NRXN3: variants seen among roughly 807,000 people sequenced by gnomAD.
The protein encoded by NRXN3 is neurexin 3, also known as neurexin III.
Under a neutral mutation model 137.6 loss-of-function variants are expected in NRXN3, and 32 were observed. The ratio of observed to expected loss-of-function variants is 0.23; its 90% CI spans 0.18 to 0.31. The LOEUF (loss-of-function observed/expected upper bound fraction) is 0.31. NRXN3 is among the 10% of genes least tolerant of loss of function. NRXN3 has a pLI of 1.00. For missense variants in NRXN3, 1,574 were observed against 2,062.5 expected (o/e 0.76, Z 4.59); for synonymous variants, 798 against 784.5 (o/e 1.02, Z -0.29).
intron 4 of NRXN3, among the ~76,000 whole-genome samples, chr14:78,372,986 T>C (rs1255138013): frequency 6.6e-6 from 1 of 152,162 alleles, no homozygotes; most frequent in African/African-American, 2.4e-5. Context: ...ATAATGAAGT[T>C]CTGGGTTAAA....
intron 15 of NRXN3, among the ~76,000 whole-genome samples, chr14:79,352,852 C>G (rs1320229000): frequency 6.6e-6 from 1 of 152,006 alleles, no homozygotes; most frequent in Non-Finnish European, 1.5e-5. Flanking sequence ...TTCAGAAGCT[C>G]AAAATTTGGA....
chr14:78,908,010 A>G (rs747272892), intron 10 of NRXN3, among the ~76,000 whole-genome samples: 1 of 152,094 alleles, frequency 6.6e-6, no homozygotes, highest in Non-Finnish European at 1.5e-5. Flanking sequence ...TCCATGGTGT[A>G]TATGTACCAC....
chr14:79,614,499 A>C (rs1357913413), intron 16 of NRXN3, among the ~76,000 whole-genome samples: 3 of 152,162 alleles, frequency 2.0e-5, no homozygotes, highest in Non-Finnish European at 4.4e-5. Context: ...CTTTGGAAGT[A>C]ACATTTGATC....
At chr14:78,433,552 T>C (rs2093963237) in intron 4 of NRXN3, among the ~76,000 whole-genome samples, 1 of 152,204 alleles carries the variant, frequency 6.6e-6, no homozygotes, top group South Asian at 2.1e-4. Context: ...ACGTGGGCTG[T>C]ACCCTATGAA....
intron 4 of NRXN3, among the ~76,000 whole-genome samples, chr14:78,437,824 A>G (rs993190300): frequency 2.0e-5 from 3 of 152,344 alleles, no homozygotes; most frequent in African/African-American, 7.2e-5. Context: ...GTGATTTTTC[A>G]TGAACACCTT....
chr14:78,599,554 G>C (rs2097185967), intron 4 of NRXN3, among the ~76,000 whole-genome samples: 1 of 152,044 alleles, frequency 6.6e-6, no homozygotes, highest in East Asian at 1.9e-4. Context: ...TACACTTCTT[G>C]GTCTTCCAAC....
At chr14:79,623,205 C>T (rs1329571549) in intron 16 of NRXN3, among the ~76,000 whole-genome samples, 1 of 152,180 alleles carries the variant, frequency 6.6e-6, no homozygotes, top group Non-Finnish European at 1.5e-5. Flanking sequence ...ATGCAAATGC[C>T]TTTTACAGCT....
In NRXN3 at chr14:78,967,353, G is replaced by C; in HGVS notation, c.2923G>C (p.Val975Leu). Reference sequence around the variant, plus strand: ...TCATAGCCTGAAAGTGGACACCAAAGTGGTCACTCAGGTTATCAATGGTGC... The same window carrying C: ...TCATAGCCTGAAAGTGGACACCAAACTGGTCACTCAGGTTATCAATGGTGC... ...NTHSLKVDTK[V>L]VTQVINGAKN... is the part of the protein sequence containing the mutation. Residue 975 changes from valine (V) to leucine (L), a missense_variant, in exon 13 of 21, where the codon GTG becomes CTG. By Grantham distance (32) the Val-to-Leu change is conservative. Around this residue, in one of 5 missense-constraint regions of NRXN3, gnomAD observed 718 missense variants for 887.6 expected, o/e 0.81. Coordinates refer to ENST00000335750, the MANE Select transcript of NRXN3 (RefSeq NM_001330195.2). The C allele has an allele frequency of 3.7e-6, 6 of 1,614,030 alleles. No homozygotes were observed. The highest frequency in any genetic ancestry group is 5.1e-6 in the Non-Finnish European group (6 of 1,179,994).
intron 6 of NRXN3, among the ~76,000 whole-genome samples, chr14:78,657,427 G>A (rs984533717): frequency 1.1e-4 from 16 of 152,176 alleles, no homozygotes; most frequent in African/African-American, 3.6e-4. Flanking sequence ...TTTCCCAAGT[G>A]GAGAAGCGAA....
intron 15 of NRXN3, among the ~76,000 whole-genome samples, chr14:79,379,524 C>G (rs1320000282): frequency 6.6e-6 from 1 of 152,146 alleles, no homozygotes; most frequent in Admixed American, 6.5e-5. Flanking sequence ...TGCAAGTGGA[C>G]ACTCTCGCTT....
At chr14:79,483,621 C>T (rs1182167265) in intron 16 of NRXN3, among the ~76,000 whole-genome samples, 4 of 152,164 alleles carry the variant, frequency 2.6e-5, no homozygotes, top group Non-Finnish European at 4.4e-5. Flanking sequence ...GATATTGTCA[C>T]ATTGTGAGTC....
intron 6 of NRXN3, among the ~76,000 whole-genome samples, chr14:78,669,665 T>A (rs917681033): frequency 5.3e-5 from 8 of 152,052 alleles, no homozygotes; most frequent in African/African-American, 1.9e-4. Context: ...TCCCTTTTTC[T>A]GGGAAAGGGA....
chr14:79,470,942 G>A (rs868401077), intron 16 of NRXN3, among the ~76,000 whole-genome samples: 1 of 85,244 alleles, frequency 1.2e-5, no homozygotes, highest in African/African-American at 5.1e-5. Context: ...GAGAGAGAAA[G>A]AGAGAGAGAG....
At chr14:78,292,230 T>C (rs1032933993) in intron 3 of NRXN3, among the ~76,000 whole-genome samples, 1 of 152,258 alleles carries the variant, frequency 6.6e-6, no homozygotes, top group Non-Finnish European at 1.5e-5. Context: ...CATTTCCATT[T>C]TCCCGAGCTG....
At chr14:79,081,839 T>C (rs774633852) in intron 15 of NRXN3, among the ~76,000 whole-genome samples, 2 of 152,088 alleles carry the variant, frequency 1.3e-5, no homozygotes, top group Non-Finnish European at 2.9e-5. Context: ...AAGATCTTTA[T>C]GGTTACTGTT....
rs1011548746 is a variant in NRXN3, at chr14:79,732,135, AT to A, written c.4014+34207del. ...AGCACATAGTATCCTGGTAAACTGGATTTTTTTTTAAGAGACATGGAGAACA... is the reference window on the plus strand; with the variant it reads ...AGCACATAGTATCCTGGTAAACTGGATTTTTTTTAAGAGACATGGAGAACA... On this transcript the variant is annotated intron_variant, in intron 19 of 20. Transcript: ENST00000335750. Among the ~76,000 whole-genome samples, 730 of 151,314 alleles carry A rather than the reference AT, an allele frequency of 4.8e-3. 5 individuals are homozygous for A. The highest frequency in any genetic ancestry group is 0.017 in the African/African-American group (686 of 41,206).
intron 5 of NRXN3, among the ~76,000 whole-genome samples, chr14:78,650,895 A>G (rs1601890060): frequency 6.6e-6 from 1 of 152,272 alleles, no homozygotes; most frequent in East Asian, 1.9e-4. Flanking sequence ...TGACTGTGTA[A>G]AGATTGCAAT....
chr14:79,296,727 C>G (rs1351702568), intron 15 of NRXN3, among the ~76,000 whole-genome samples: 1 of 152,106 alleles, frequency 6.6e-6, no homozygotes, highest in Non-Finnish European at 1.5e-5. Flanking sequence ...GAAGTTGATG[C>G]TTAAATCTTA....
At chr14:79,735,633 G>T (rs538964903) in intron 19 of NRXN3, among the ~76,000 whole-genome samples, 1 of 152,288 alleles carries the variant, frequency 6.6e-6, no homozygotes, top group South Asian at 2.1e-4. Context: ...GTCCTGTAAA[G>T]GGTGGTAGTG....
Sources: allele counts gnomAD v4.1 joint callset (sites outside exome capture counted in the v4.1 genomes callset), GRCh38; gene constraint gnomAD v4.1.1; regional missense constraint gnomAD v4.1.1; transcripts MANE v1.5; gene names NCBI Gene and HGNC (gene_info 2026-07-23, HGNC 2026-07-21).